MAP2K5: variants seen among roughly 807,000 people sequenced by gnomAD.
MAP2K5 encodes dual specificity mitogen-activated protein kinase kinase 5.
Under a neutral mutation model 83.1 loss-of-function variants are expected in MAP2K5, and 49 were observed. The ratio of observed to expected loss-of-function variants is 0.59; its 90% CI spans 0.47 to 0.75. MAP2K5 has a LOEUF of 0.75. Ranked by LOEUF, MAP2K5 falls within the 30% of genes least tolerant of loss-of-function variation. The pLI is 0.00. For synonymous variants in MAP2K5, 202 were observed against 191.8 expected (o/e 1.05, Z -0.44); for missense variants, 457 against 557.5 (o/e 0.82, Z 1.82).
chr15:67,797,978 C>T (rs1232533835), intron 21 of MAP2K5, among the ~76,000 whole-genome samples: 2 of 152,174 alleles, frequency 1.3e-5, no homozygotes, highest in Non-Finnish European at 1.5e-5. Context: ...CCACCATGCC[C>T]GGCCTAAAAT....
intron 8 of MAP2K5, among the ~76,000 whole-genome samples, chr15:67,619,792 A>G (rs1254049389): frequency 6.6e-6 from 1 of 152,126 alleles, no homozygotes; most frequent in Admixed American, 6.5e-5. Flanking sequence ...TTAGCCAGCC[A>G]TGGCGGTACT....
chr15:67,663,133 A>C (rs1436262768), intron 12 of MAP2K5, among the ~76,000 whole-genome samples: 3 of 152,190 alleles, frequency 2.0e-5, no homozygotes, highest in Non-Finnish European at 4.4e-5. Flanking sequence ...TTTATCCCCA[A>C]ATATGTTAGG....
In MAP2K5 at chr15:67,693,503, T is replaced by G. The variant is rs1162475022; in HGVS notation, c.922-15T>G. 16 of 1,602,356 alleles carry G rather than the reference T, an allele frequency of 1.0e-5. No homozygotes were observed. The highest frequency in any genetic ancestry group is 1.1e-5 in the Non-Finnish European group (13 of 1,171,122). ...TTATCTTTATATTGTTCTAACAGAC[T>G]GTTTTGTCTCATAGCTGGTGAATTC... is the stretch of plus-strand genomic sequence containing the variant. On this transcript the variant is annotated splice_polypyrimidine_tract_variant and intron_variant, in intron 14 of 21. Coordinates refer to ENST00000178640, the MANE Select transcript of MAP2K5 (RefSeq NM_145160.3).
At chr15:67,721,518 T>C (rs1281563526) in intron 16 of MAP2K5, among the ~76,000 whole-genome samples, 1 of 152,232 alleles carries the variant, frequency 6.6e-6, no homozygotes, top group Non-Finnish European at 1.5e-5. Flanking sequence ...TTGCTGTGGC[T>C]CACCCACTGC....
rs1213373209 is a variant in MAP2K5 at position 67,561,546 on chromosome 15, C to T, written c.185-1737C>T. On this transcript the variant is annotated intron_variant, in intron 2 of 21. Coordinates refer to ENST00000178640, the MANE Select transcript of MAP2K5 (RefSeq NM_145160.3). This position sits in a 1 kb window ranked among gnomAD's most constrained non-coding sequence, Gnocchi z 4.2. ...TGATAGCAGAATACTGGTAGTGACT[C>T]TCCTAGATTTAGACAGTGTGATCTT... is the stretch of plus-strand genomic sequence containing the variant. Among the ~76,000 whole-genome samples the T allele has an allele frequency of 6.6e-6, 1 of 152,182 alleles. No homozygotes were observed. Among genetic ancestry groups the T allele is most frequent in the African/African-American group, 2.4e-5 (1 of 41,434 alleles).
intron 13 of MAP2K5, among the ~76,000 whole-genome samples, chr15:67,683,020 A>C (rs989936171): frequency 6.6e-6 from 1 of 151,986 alleles, no homozygotes; most frequent in African/African-American, 2.4e-5. Context: ...AGTCTCCTGT[A>C]ATCTCAGAGA....
chr15:67,768,956 A>T lies in MAP2K5; in HGVS notation c.1135-646A>T, dbSNP rs972023695. ...GCTTTTTTGACTGACTCCCACCTCC[A>T]TCCTAGTTTTGGTTGGTGGTCAAGT... On this transcript the variant is annotated intron_variant, in intron 19 of 21. Coordinates refer to ENST00000178640, the MANE Select transcript of MAP2K5 (RefSeq NM_145160.3). This position sits in a 1 kb window ranked among gnomAD's most constrained non-coding sequence, Gnocchi z 4.0. 2.2e-4 allele frequency among the ~76,000 whole-genome samples: 34 copies of T among 152,152 alleles called. No homozygotes were observed. The highest frequency in any genetic ancestry group is 7.5e-4 in the African/African-American group (31 of 41,430).
rs1201945997 is a variant in MAP2K5, at chr15:67,676,158, A to C, written c.847+11513A>C. ...GAGTGTTTGATTCACCAAGCCCCGCAGTTAGCTCTGATCATTGCTTTGTCT... is the reference window on the plus strand; with the variant it reads ...GAGTGTTTGATTCACCAAGCCCCGCCGTTAGCTCTGATCATTGCTTTGTCT... On this transcript the variant is annotated intron_variant, in intron 13 of 21. Transcript: ENST00000178640. The surrounding 1 kb of genome is among the most constrained non-coding windows in gnomAD (Gnocchi z 4.8). Among the ~76,000 whole-genome samples, 3 of 152,202 alleles carry C rather than the reference A, an allele frequency of 2.0e-5. No homozygotes were observed. The highest frequency in any genetic ancestry group is 4.8e-5 in the African/African-American group (2 of 41,448).
intron 3 of MAP2K5, among the ~76,000 whole-genome samples, chr15:67,568,605 C>G (rs998941335): frequency 6.6e-6 from 1 of 152,134 alleles, no homozygotes; most frequent in Non-Finnish European, 1.5e-5. Context: ...TTGTTTTGCT[C>G]TCTATTATAG....
rs770155756 is a variant in MAP2K5 at position 67,708,607 on chromosome 15, G to A, written c.1044+5199G>A. Among the ~76,000 whole-genome samples the A allele has an allele frequency of 3.3e-5, 5 of 152,060 alleles. No homozygotes were observed. Among genetic ancestry groups the A allele is most frequent in the Non-Finnish European group, 5.9e-5 (4 of 67,992 alleles). ...GCCTCTTGAGTAGCTAGGACTACAG[G>A]TGTACCACTGCACCTGGCTGAACGC... is the stretch of plus-strand genomic sequence containing the variant. On this transcript the variant is annotated intron_variant, in intron 16 of 21. Transcript: ENST00000178640. This position sits in a 1 kb window ranked among gnomAD's most constrained non-coding sequence, Gnocchi z 4.9.
intron 12 of MAP2K5, among the ~76,000 whole-genome samples, chr15:67,660,053 A>G (rs7170841): frequency 0.82 from 124,238 of 152,044 alleles, 50,928 homozygotes; most frequent in Admixed American, 0.88. Context: ...ACTCTGAAGG[A>G]TTGTTTATAT....
intron 9 of MAP2K5, among the ~76,000 whole-genome samples, chr15:67,643,142 G>A (rs1189507310): frequency 1.3e-5 from 2 of 152,144 alleles, no homozygotes; most frequent in South Asian, 2.1e-4. Flanking sequence ...ACGATATGAG[G>A]CCAGGGTTGA....
intron 16 of MAP2K5, among the ~76,000 whole-genome samples, chr15:67,703,923 C>G (rs535297998): frequency 6.6e-6 from 1 of 151,990 alleles, no homozygotes; most frequent in Non-Finnish European, 1.5e-5. Flanking sequence ...CCAGTATAGT[C>G]TTATCACATG....
intron 4 of MAP2K5, among the ~76,000 whole-genome samples, chr15:67,583,096 G>A (rs1339155173): frequency 6.6e-6 from 1 of 152,034 alleles, no homozygotes; most frequent in Admixed American, 6.6e-5. Context: ...CTGCCTATTA[G>A]GTATTACTGT....
intron 4 of MAP2K5, among the ~76,000 whole-genome samples, chr15:67,585,214 T>C (rs758998645): frequency 3.9e-5 from 6 of 152,216 alleles, no homozygotes; most frequent in Non-Finnish European, 5.9e-5. Context: ...GGCTTTTGTA[T>C]TTTTAACATT....
At chr15:67,776,452 G>C (rs1052640245) in intron 21 of MAP2K5, among the ~76,000 whole-genome samples, 3 of 152,064 alleles carry the variant, frequency 2.0e-5, no homozygotes. Flanking sequence ...GCTTATGTGG[G>C]AAAAAGCCAG....
chr15:67,637,695 G>C lies in MAP2K5; in HGVS notation c.585+6768G>C, dbSNP rs2086632301. Among the ~76,000 whole-genome samples the C allele has an allele frequency of 6.6e-6, 1 of 152,112 alleles. No homozygotes were observed. Among genetic ancestry groups the C allele is most frequent in the Admixed American group, 6.6e-5 (1 of 15,260 alleles). ...GTCCTCTGCCAGCTCTCTGCCCTCT[G>C]CTTCTCTAGCTTCCTTGGCCTCCTC... is the stretch of plus-strand genomic sequence containing the variant. On this transcript the variant is annotated intron_variant, in intron 9 of 21. Transcript: ENST00000178640. The surrounding 1 kb of genome is among the most constrained non-coding windows in gnomAD (Gnocchi z 4.5).
rs749742239 is a variant in MAP2K5 at position 67,724,386 on chromosome 15, T to C, written c.1045-3530T>C. On this transcript the variant is annotated intron_variant, in intron 16 of 21. Coordinates refer to ENST00000178640, the MANE Select transcript of MAP2K5 (RefSeq NM_145160.3). The surrounding 1 kb of genome is among the most constrained non-coding windows in gnomAD (Gnocchi z 4.4). ...GACAGCCTCGTGGAGAACTCGTTCT[T>C]TTTTATTTATTTATTTATTTATTTT... 6.6e-6 allele frequency among the ~76,000 whole-genome samples: 1 copy of C among 152,048 alleles called. No individual in the cohort carries two copies. Among genetic ancestry groups the C allele is most frequent in the African/African-American group, 2.4e-5 (1 of 41,388 alleles).
chr15:67,573,231 C>G lies in MAP2K5; in HGVS notation c.253-7523C>G, dbSNP rs1046702994. The stretch of plus-strand genomic sequence containing the variant: ...GTTGCTCTGGTTCAAATGCCTCTAA[C>G]AACATTGCTATAAAGAGCTATTTGA... On this transcript the variant is annotated intron_variant, in intron 3 of 21. Transcript: ENST00000178640. The surrounding 1 kb of genome is among the most constrained non-coding windows in gnomAD (Gnocchi z 4.2). 5.3e-5 allele frequency among the ~76,000 whole-genome samples: 8 copies of G among 152,110 alleles called. No individual in the cohort carries two copies. The highest frequency in any genetic ancestry group is 1.0e-4 in the Non-Finnish European group (7 of 68,016).
Sources: gnomAD v4.1 joint callset for allele counts (sites outside exome capture counted in the v4.1 genomes callset) on GRCh38, gnomAD v4.1.1 for gene constraint, Gnocchi (gnomAD v3.1) non-coding constraint, MANE v1.5 for transcripts, NCBI Gene and HGNC (gene_info 2026-07-23, HGNC 2026-07-21) for gene names.